RPIA: variants seen among roughly 807,000 people sequenced by gnomAD.
RPIA encodes the protein ribose-5-phosphate isomerase.
Under a neutral mutation model 37.8 loss-of-function variants are expected in RPIA, and 29 were observed. The ratio of observed to expected loss-of-function variants is 0.77; its 90% confidence interval spans 0.57 to 1.05. RPIA has a LOEUF of 1.05. Ranked by LOEUF, RPIA falls within the 50% of genes least tolerant of loss-of-function variation. The probability of loss-of-function intolerance (pLI) is 0.00; values close to 1 mark genes in which losing one functional copy is unlikely to be tolerated. For synonymous variants in RPIA, 167 were observed against 157.0 expected, an observed-to-expected ratio of 1.06 and a Z score of -0.48; for missense variants, 385 against 413.6, an observed-to-expected ratio of 0.93 and a Z score of 0.60.
chr2:88,745,197 TG>T (rs1673426262), intron 8 of RPIA, among the ~76,000 whole-genome samples: 1 of 152,144 alleles, frequency 6.6e-6, no homozygotes, highest in Non-Finnish European at 1.5e-5. Flanking sequence ...TGACCTCAGG[TG>T]ATCTGCCTGC....
chr2:88,729,205 C>G, intron 3 of RPIA, 73 bp from the exon 4 acceptor site: 1 of 1,519,638 alleles, frequency 6.6e-7, no homozygotes, highest in Non-Finnish European at 9.1e-7. Context: ...ACACTTAAAT[C>G]CAGAAGAATT....
At chr2:88,699,800 T>G (rs1281113763) in intron 2 of RPIA, among the ~76,000 whole-genome samples, 1 of 152,226 alleles carries the variant, frequency 6.6e-6, no homozygotes, top group Non-Finnish European at 1.5e-5. Context: ...TGGTCAGTAC[T>G]TACCTCTCCA....
intron 3 of RPIA, among the ~76,000 whole-genome samples, chr2:88,713,972 T>G (rs554829034): frequency 6.6e-6 from 1 of 152,208 alleles, no homozygotes; most frequent in Admixed American, 6.5e-5. Context: ...AAGGGACTTC[T>G]TCTTGTACAG....
intron 8 of RPIA, among the ~76,000 whole-genome samples, chr2:88,744,283 A>G (rs1471205454): frequency 6.6e-6 from 1 of 152,172 alleles, no homozygotes; most frequent in East Asian, 1.9e-4. Context: ...TCAGGAGCAG[A>G]TTATTTAATT....
intron 4 of RPIA, among the ~76,000 whole-genome samples, chr2:88,733,427 G>A (rs1248843913): frequency 6.6e-6 from 1 of 152,166 alleles, no homozygotes; most frequent in Non-Finnish European, 1.5e-5. Flanking sequence ...GGAAGGACTT[G>A]GGGATTTCTG....
At chr2:88,740,410 A>C (rs1328225951) in intron 8 of RPIA, among the ~76,000 whole-genome samples, 1 of 152,198 alleles carries the variant, frequency 6.6e-6, no homozygotes, top group Non-Finnish European at 1.5e-5. Flanking sequence ...GGACAATCAG[A>C]GTGGTTTGCT....
intron 3 of RPIA, among the ~76,000 whole-genome samples, chr2:88,727,095 GTGCGCGCGCA>G (rs1209989268): frequency 5.3e-5 from 8 of 151,522 alleles, no homozygotes; most frequent in African/African-American, 1.5e-4. Context: ...GTGTGTGTGT[GTGCGCGCGCA>G]TGTGTGCGCG....
intron 1 of RPIA, among the ~76,000 whole-genome samples, chr2:88,697,605 T>A (rs1672767558): frequency 6.6e-6 from 1 of 152,174 alleles, no homozygotes; most frequent in South Asian, 2.1e-4. Flanking sequence ...GTACCTTCTT[T>A]GTTTCTTCTT....
intron 3 of RPIA, among the ~76,000 whole-genome samples, chr2:88,708,499 G>A (rs1672922536): frequency 6.6e-6 from 1 of 152,180 alleles, no homozygotes; most frequent in Non-Finnish European, 1.5e-5. Context: ...TCTCCAAGGA[G>A]TACACCGTAA....
Position 88,750,342 on chromosome 2 carries a change from A to G in RPIA, c.*264A>G, listed in dbSNP as rs1279653850. The G allele has an allele frequency of 2.6e-6, 1 of 389,052 alleles. No homozygotes were observed. Among genetic ancestry groups the G allele is most frequent in the Admixed American group, 4.0e-5 (1 of 24,836 alleles). The allele number at this position is 389,052 out of a possible 1,614,324, so 24.1% of individuals were successfully genotyped here. A position where few individuals can be genotyped will look rare whatever the true frequency, so the allele number is the denominator to read the frequency against. ...GAAGTAGAACTTGAGTTCATGTTTT[A>G]TATGAAATATTTACCAAAAAAAAAA... On this transcript the variant is annotated 3_prime_UTR_variant, in exon 9 of 9. Coordinates refer to ENST00000283646, the MANE Select transcript of RPIA (RefSeq NM_144563.3).
At chr2:88,744,184 G>A (rs1249120054) in intron 8 of RPIA, among the ~76,000 whole-genome samples, 5 of 152,276 alleles carry the variant, frequency 3.3e-5, no homozygotes, top group African/African-American at 1.2e-4. Context: ...CTGTATCCCA[G>A]AGGTTTTGAT....
At chr2:88,708,829 T>C (rs1355151176) in intron 3 of RPIA, among the ~76,000 whole-genome samples, 1 of 150,678 alleles carries the variant, frequency 6.6e-6, no homozygotes, top group African/African-American at 2.5e-5. Flanking sequence ...CGATCTTGGC[T>C]CACTGCAAGC....
chr2:88,727,244 T>C (rs1673210739), intron 3 of RPIA, among the ~76,000 whole-genome samples: 1 of 152,210 alleles, frequency 6.6e-6, no homozygotes, highest in Admixed American at 6.5e-5. Context: ...GTGCCATTGG[T>C]CACTCACACA....
chr2:88,743,102 C>G (rs534438755), intron 8 of RPIA, among the ~76,000 whole-genome samples: 1 of 152,176 alleles, frequency 6.6e-6, no homozygotes, highest in East Asian at 1.9e-4. Context: ...AACGGGGTAT[C>G]CTTGTCTTGT....
At chr2:88,714,725 CT>C in intron 3 of RPIA, among the ~76,000 whole-genome samples, 1 of 152,308 alleles carries the variant, frequency 6.6e-6, no homozygotes, top group Admixed American at 6.5e-5. Context: ...TGTAAACTTG[CT>C]TTTAATTCTC....
chr2:88,704,165 T>G (rs1672870451), intron 3 of RPIA, among the ~76,000 whole-genome samples: 2 of 152,184 alleles, frequency 1.3e-5, no homozygotes, highest in Non-Finnish European at 2.9e-5. Context: ...TCCAAACTGT[T>G]CCAACCTCTG....
At position 88,735,665 on chromosome 2, in the gene RPIA, G is replaced by A. The variant is rs370124718; in HGVS notation, c.528-4G>A. On this transcript the variant is annotated splice_polypyrimidine_tract_variant and splice_region_variant and intron_variant, in intron 5 of 8. Coordinates refer to ENST00000283646, the MANE Select transcript of RPIA (RefSeq NM_144563.3). ...TCCTGTGTTCCTTTGCTTCTTTCCT[G>A]CAGAGGCTGCCTGACCCAGGAGAAG... 1.9e-6 allele frequency: 3 copies of A among 1,613,900 alleles called. No individual in the cohort carries two copies. The highest frequency in any genetic ancestry group is 2.5e-6 in the Non-Finnish European group (3 of 1,179,928).
At chr2:88,721,976 GTTT>G (rs56803756) in intron 3 of RPIA, among the ~76,000 whole-genome samples, 14 of 133,106 alleles carry the variant, frequency 1.1e-4, no homozygotes, top group African/African-American at 2.2e-4. Flanking sequence ...ATCTATAAAA[GTTT>G]TTTTTTTTTT....
intron 7 of RPIA, among the ~76,000 whole-genome samples, chr2:88,737,692 A>G (rs1228776844): frequency 6.6e-6 from 1 of 152,174 alleles, no homozygotes; most frequent in Non-Finnish European, 1.5e-5. Context: ...TAATTGTGAC[A>G]TGGTCACATA....
Sources: allele counts gnomAD v4.1 joint callset (sites outside exome capture counted in the v4.1 genomes callset), GRCh38; gene constraint gnomAD v4.1.1; transcripts MANE v1.5; gene names NCBI Gene and HGNC (gene_info 2026-07-23, HGNC 2026-07-21).